Variants in ZNF469 observed in about 807,000 individuals in gnomAD.
ZNF469 encodes the protein zinc finger protein 469.
A neutral mutation model predicts 1.0 loss-of-function variants in ZNF469; 1 was observed. That is an observed-to-expected ratio of 1.00 (90% CI 0.35 to 4.73). ZNF469 has a LOEUF of 4.73. ZNF469 is among the 30% of genes most tolerant of loss of function. The pLI is 0.16. For missense variants in ZNF469, 6,100 were observed against 5,356.3 expected, an observed-to-expected ratio of 1.14 and a Z score of -4.33; for synonymous variants, 2,703 against 2,363.4, an observed-to-expected ratio of 1.14 and a Z score of -4.17.
At chr16:88,149,330 G>A in the ZNF469 span, among the ~76,000 whole-genome samples, 853 of 152,308 alleles carry the variant, frequency 5.6e-3, 26 homozygotes, top group Admixed American at 0.046. Flanking sequence ...TGCTGGGCGG[G>A]AGAGATTTCC....
the ZNF469 span, among the ~76,000 whole-genome samples, chr16:88,272,735 C>T: frequency 7.8e-5 from 11 of 140,928 alleles, no homozygotes; most frequent in East Asian, 6.7e-4. Context: ...GACGAGTGGA[C>T]GGATGGATGA....
the ZNF469 span, among the ~76,000 whole-genome samples, chr16:88,290,251 A>G: frequency 6.6e-6 from 1 of 152,254 alleles, no homozygotes; most frequent in African/African-American, 2.4e-5. Flanking sequence ...ATGGACTTTC[A>G]GATGAAAGGC....
chr16:88,169,917 G>T, the ZNF469 span, among the ~76,000 whole-genome samples: 1 of 152,194 alleles, frequency 6.6e-6, no homozygotes, highest in Non-Finnish European at 1.5e-5. The surrounding 1 kb of genome is among the most constrained non-coding windows in gnomAD (Gnocchi z 6.1). Context: ...GCACCTGGCT[G>T]GGGTTTCGAG....
At chr16:88,132,785 C>T in the ZNF469 span, among the ~76,000 whole-genome samples, 6 of 152,202 alleles carry the variant, frequency 3.9e-5, no homozygotes, top group East Asian at 1.9e-4. Context: ...TGTCAGCCCA[C>T]GCTTCCTCTT....
chr16:88,275,251 A>G, the ZNF469 span, among the ~76,000 whole-genome samples: 2 of 152,216 alleles, frequency 1.3e-5, no homozygotes, highest in Non-Finnish European at 2.9e-5. Context: ...GCCGGCGAGC[A>G]CCTGGGGAGG....
chr16:88,118,566 C>T, the ZNF469 span, among the ~76,000 whole-genome samples: 2 of 152,172 alleles, frequency 1.3e-5, no homozygotes, highest in Non-Finnish European at 2.9e-5. Context: ...GGTGATGGCG[C>T]GCAGGGGTCA....
chr16:88,110,883 G>C, the ZNF469 span, among the ~76,000 whole-genome samples: 1 of 152,242 alleles, frequency 6.6e-6, no homozygotes, highest in Non-Finnish European at 1.5e-5. Context: ...CTGCAGCCGG[G>C]CTCTGTGGGG....
chr16:88,330,355 C>T, the ZNF469 span, among the ~76,000 whole-genome samples: 1 of 152,216 alleles, frequency 6.6e-6, no homozygotes, highest in Non-Finnish European at 1.5e-5. Flanking sequence ...TCCACGTTGC[C>T]GTGATGATGT....
chr16:88,140,473 A>AGCCGTGTAGAAATCGGGGTGT, the ZNF469 span, among the ~76,000 whole-genome samples: 1 of 151,358 alleles, frequency 6.6e-6, no homozygotes, highest in African/African-American at 2.5e-5. Flanking sequence ...GGTAGCACGG[A>AGCCGTGTAGAAATCGGGGTGT]AAGTCAGTGA....
chr16:88,158,782 G>C, the ZNF469 span, among the ~76,000 whole-genome samples: 5 of 152,246 alleles, frequency 3.3e-5, no homozygotes, highest in Non-Finnish European at 7.3e-5. Context: ...CCGAGTCAGA[G>C]TGCAGACAGG....
chr16:88,180,794 CAAATA>C, the ZNF469 span, among the ~76,000 whole-genome samples: 9 of 151,764 alleles, frequency 5.9e-5, no homozygotes, highest in African/African-American at 2.2e-4. Context: ...AACAAACAAA[CAAATA>C]AAAGTGCCAT....
At chr16:88,379,189 C>T (rs1212367525), upstream of ZNF469, among the ~76,000 whole-genome samples, 2 of 152,178 alleles carry the variant, frequency 1.3e-5, no homozygotes, top group South Asian at 2.1e-4. Context: ...AAACCTCGCC[C>T]CCCGAGGTTG....
At chr16:88,381,696 G>A (rs1158957597), upstream of ZNF469, among the ~76,000 whole-genome samples, 3 of 152,264 alleles carry the variant, frequency 2.0e-5, no homozygotes, top group Non-Finnish European at 2.9e-5. Flanking sequence ...CGAGCCTCTG[G>A]GGCCTTTCAG....
At chr16:88,379,434 G>A (rs2142254545), upstream of ZNF469, among the ~76,000 whole-genome samples, 2 of 152,210 alleles carry the variant, frequency 1.3e-5, no homozygotes, top group African/African-American at 4.8e-5. Flanking sequence ...TCCAGGAGGG[G>A]TGGACGTGGC....
At chr16:88,262,918 G>T in the ZNF469 span, among the ~76,000 whole-genome samples, 1 of 152,354 alleles carries the variant, frequency 6.6e-6, no homozygotes, top group Middle Eastern at 3.4e-3. This position sits in a 1 kb window ranked among gnomAD's most constrained non-coding sequence, Gnocchi z 4.3. Flanking sequence ...AGCCTCCTAC[G>T]GATGAGCTCT....
Position 88,430,780 on chromosome 16 carries a change from C to T in ZNF469, c.3310C>T (p.Pro1104Ser). 6 of 1,525,642 alleles carry T rather than the reference C, an allele frequency of 3.9e-6. No individual in the cohort carries two copies. Among genetic ancestry groups the T allele is most frequent in the Non-Finnish European group, 5.2e-6 (6 of 1,142,972 alleles). 94.5% of individuals were successfully genotyped at this position (1,525,642 alleles called of 1,614,324 possible). A position where few individuals can be genotyped will look rare whatever the true frequency, so the allele number is the denominator to read the frequency against. Residue 1104 changes from proline (P) to serine (S), a missense_variant, in exon 3 of 3, where the codon CCT (proline) becomes TCT (serine). Coordinates refer to ENST00000565624, the MANE Select transcript of ZNF469 (RefSeq NM_001367624.2). ...FASESEEDEQ[P>S]PPRGPGFRGR... ...CTCGGAGTCCGAGGAGGACGAGCAG[C>T]CTCCGCCGCGGGGCCCCGGCTTCAG...
At chr16:88,149,954 C>A in the ZNF469 span, among the ~76,000 whole-genome samples, 1 of 152,322 alleles carries the variant, frequency 6.6e-6, no homozygotes, top group Admixed American at 6.5e-5. Context: ...TAGAACTTTC[C>A]AGGTGTTGCC....
chr16:88,268,657 G>A, the ZNF469 span, among the ~76,000 whole-genome samples: 4 of 152,226 alleles, frequency 2.6e-5, no homozygotes, highest in Non-Finnish European at 5.9e-5. Context: ...AGGACGTGTG[G>A]CTGTCGACAC....
Position 88,437,702 on chromosome 16 carries a change from T to A in ZNF469, c.10232T>A (p.Met3411Lys). 1 of 1,549,814 alleles carries A rather than the reference T, an allele frequency of 6.5e-7. No individual in the cohort carries two copies. The highest frequency in any genetic ancestry group is 8.7e-7 in the Non-Finnish European group (1 of 1,146,632). The change falls in exon 3 of 3, where the codon ATG becomes AAG. Residue 3411 changes from methionine to lysine, a missense_variant. Physicochemically the swap from Met to Lys is moderately conservative, Grantham distance 95 (BLOSUM62 -1). Coordinates refer to ENST00000565624, the MANE Select transcript of ZNF469 (RefSeq NM_001367624.2). ...GCCTGCGAGCTCTGCGCCACGGTTA[T>A]GCGCATCATCAAGAAGTCCTTCGCC... ...LYACELCATV[M>K]RIIKKSFACS...
Sources: gnomAD v4.1 joint callset for allele counts (sites outside exome capture counted in the v4.1 genomes callset) on GRCh38, gnomAD v4.1.1 for gene constraint, Gnocchi (gnomAD v3.1) non-coding constraint, MANE v1.5 for transcripts, NCBI Gene and HGNC (gene_info 2026-07-23, HGNC 2026-07-21) for gene names.